Variants in C8orf34 observed in about 807,000 individuals in gnomAD.
The protein encoded by C8orf34 is uncharacterized protein C8orf34.
In C8orf34, 65 loss-of-function variants were observed where a neutral mutation model predicts 68.3. The ratio of observed to expected loss-of-function variants is 0.95; its 90% CI spans 0.78 to 1.17. The LOEUF (loss-of-function observed/expected upper bound fraction) is 1.17. Among genes scored for constraint, C8orf34 ranks in the 50% most tolerant of loss-of-function variants. The probability of loss-of-function intolerance (pLI) is 0.00; values close to 1 mark genes in which losing one functional copy is unlikely to be tolerated. For missense variants in C8orf34, 664 were observed against 655.4 expected, an observed-to-expected ratio of 1.01 and a Z score of -0.14; for synonymous variants, 244 against 241.2, an observed-to-expected ratio of 1.01 and a Z score of -0.11.
At chr8:68,478,238 AC>A (rs1812707868) in intron 4 of C8orf34, among the ~76,000 whole-genome samples, 1 of 151,760 alleles carries the variant, frequency 6.6e-6, no homozygotes, top group South Asian at 2.1e-4. Flanking sequence ...TCAAAGATCC[AC>A]AGATCTGCCC....
At chr8:68,696,331 A>C (rs1820833969) in intron 8 of C8orf34, among the ~76,000 whole-genome samples, 1 of 148,364 alleles carries the variant, frequency 6.7e-6, no homozygotes, top group African/African-American at 2.4e-5. Flanking sequence ...AAAACACATA[A>C]TAGATTATAT....
At chr8:68,422,557 T>C (rs1260826476) in intron 1 of C8orf34, among the ~76,000 whole-genome samples, 1 of 152,178 alleles carries the variant, frequency 6.6e-6, no homozygotes, top group African/African-American at 2.4e-5. Flanking sequence ...CCCAGCTGCT[T>C]TCACAGGCTG....
At chr8:68,497,278 T>C (rs1205197697) in intron 5 of C8orf34, among the ~76,000 whole-genome samples, 1 of 152,198 alleles carries the variant, frequency 6.6e-6, no homozygotes, top group Non-Finnish European at 1.5e-5. Context: ...AAAAAGATGC[T>C]CAGCTTTGCT....
intron 8 of C8orf34, among the ~76,000 whole-genome samples, chr8:68,697,078 T>G (rs1290230203): frequency 6.6e-6 from 1 of 152,066 alleles, no homozygotes; most frequent in Non-Finnish European, 1.5e-5. Context: ...CCTCTTTTAG[T>G]GACTATATGG....
At chr8:68,744,403 A>T (rs1402113707) in intron 10 of C8orf34, among the ~76,000 whole-genome samples, 2 of 152,246 alleles carry the variant, frequency 1.3e-5, no homozygotes, top group African/African-American at 4.8e-5. Context: ...TGACGAGCTG[A>T]GAGAAGAAGG....
chr8:68,498,106 G>A (rs1015986663), intron 5 of C8orf34, among the ~76,000 whole-genome samples: 1 of 152,144 alleles, frequency 6.6e-6, no homozygotes, highest in African/African-American at 2.4e-5. Flanking sequence ...GGGATTACAG[G>A]CATGAGCCAC....
At chr8:68,664,784 G>A (rs1274920063) in intron 8 of C8orf34, among the ~76,000 whole-genome samples, 1 of 152,090 alleles carries the variant, frequency 6.6e-6, no homozygotes, top group Admixed American at 6.6e-5. Flanking sequence ...ATTCATGAGA[G>A]GGATGGGCTG....
intron 11 of C8orf34, among the ~76,000 whole-genome samples, chr8:68,779,378 CA>C (rs1169370333): frequency 6.6e-6 from 1 of 152,090 alleles, no homozygotes; most frequent in African/African-American, 2.4e-5. Flanking sequence ...AGACTGAAGT[CA>C]GTGATTTCAT....
chr8:68,595,503 T>C (rs1302449181), intron 7 of C8orf34, among the ~76,000 whole-genome samples: 1 of 152,102 alleles, frequency 6.6e-6, no homozygotes, highest in East Asian at 1.9e-4. Context: ...TTTAGAATTT[T>C]CTTTGCTCTC....
At chr8:68,376,977 G>A (rs991206229) in intron 1 of C8orf34, among the ~76,000 whole-genome samples, 1 of 152,136 alleles carries the variant, frequency 6.6e-6, no homozygotes, top group Non-Finnish European at 1.5e-5. Context: ...ATTTCCCAGT[G>A]GAGCAACGGA....
At chr8:68,689,217 A>T (rs574007850) in intron 8 of C8orf34, among the ~76,000 whole-genome samples, 70 of 152,114 alleles carry the variant, frequency 4.6e-4, no homozygotes, top group Admixed American at 1.6e-3. Flanking sequence ...ATACAGAGAG[A>T]TATAATGGAC....
intron 9 of C8orf34, among the ~76,000 whole-genome samples, chr8:68,716,515 C>A (rs1353027927): frequency 6.6e-6 from 1 of 151,880 alleles, no homozygotes; most frequent in Non-Finnish European, 1.5e-5. Context: ...ACACAAAAGT[C>A]CAACAAGCAG....
chr8:68,733,558 T>C (rs1211984887), intron 10 of C8orf34, among the ~76,000 whole-genome samples: 1 of 152,216 alleles, frequency 6.6e-6, no homozygotes, highest in East Asian at 1.9e-4. Flanking sequence ...TTCTAAAGCA[T>C]GCCTTCTTAT....
intron 11 of C8orf34, among the ~76,000 whole-genome samples, chr8:68,785,701 T>C (rs1480110900): frequency 6.6e-6 from 1 of 152,242 alleles, no homozygotes; most frequent in African/African-American, 2.4e-5. Context: ...TTTTTTTCAT[T>C]TGCATACATT....
At chr8:68,708,885 A>T in intron 8 of C8orf34, 109 bp from the exon 9 acceptor site, 1 of 757,484 alleles carries the variant, frequency 1.3e-6, no homozygotes. Context: ...GAACATGCAT[A>T]TCTGAGTTTA....
intron 7 of C8orf34, among the ~76,000 whole-genome samples, chr8:68,537,622 T>C (rs577479683): frequency 6.6e-6 from 1 of 152,180 alleles, no homozygotes; most frequent in South Asian, 2.1e-4. Flanking sequence ...TAGCATAGAC[T>C]TGAGAAAATG....
At chr8:68,617,539 T>G (rs1167110138) in intron 7 of C8orf34, among the ~76,000 whole-genome samples, 1 of 152,164 alleles carries the variant, frequency 6.6e-6, no homozygotes, top group Non-Finnish European at 1.5e-5. Flanking sequence ...CTCCTTCACT[T>G]ATGAAGCTTA....
chr8:68,699,061 A>C (rs1031388727), intron 8 of C8orf34, among the ~76,000 whole-genome samples: 2 of 151,996 alleles, frequency 1.3e-5, no homozygotes, highest in African/African-American at 2.4e-5. Context: ...AACTTACTAG[A>C]AACACAAATT....
intron 1 of C8orf34, among the ~76,000 whole-genome samples, chr8:68,378,705 A>G (rs75491680): frequency 0.028 from 4,330 of 152,342 alleles, 76 homozygotes; most frequent in Middle Eastern, 0.061. Flanking sequence ...AAGCTGAGAA[A>G]TTTCTAGCTA....
Sources: allele counts gnomAD v4.1 joint callset (sites outside exome capture counted in the v4.1 genomes callset), GRCh38; gene constraint gnomAD v4.1.1; transcripts MANE v1.5; gene names NCBI Gene and HGNC (gene_info 2026-07-23, HGNC 2026-07-21).